PIMREG: variants seen among roughly 807,000 people sequenced by gnomAD.
PIMREG encodes protein PIMREG.
In PIMREG, 19 loss-of-function variants were observed where a neutral mutation model predicts 24.3. That is an observed-to-expected ratio of 0.78 (90% CI 0.54 to 1.15). The LOEUF is 1.15. PIMREG is among the 50% of genes most tolerant of loss of function. PIMREG has a pLI of 0.00. For missense variants in PIMREG, 283 were observed against 306.8 expected (o/e 0.92, Z 0.58); for synonymous variants, 112 against 124.1 (o/e 0.90, Z 0.65).
intron 3 of PIMREG, among the ~76,000 whole-genome samples, chr17:6,448,282 C>CAATAAAAAAA (rs1913664049): frequency 2.4e-5 from 1 of 41,292 alleles, no homozygotes; most frequent in African/African-American, 9.5e-5. Flanking sequence ...GACCCTGTCT[C>CAATAAAAAAA]AAAAAAAAAA....
At chr17:6,450,246 G>A in intron 5 of PIMREG, 116 bp from the exon 6 acceptor site, 1 of 1,189,640 alleles carries the variant, frequency 8.4e-7, no homozygotes, top group Non-Finnish European at 1.2e-6. Flanking sequence ...CAGCACGCTG[G>A]GGGCCCCAAG....
In PIMREG at chr17:6,447,632, C is replaced by G; in HGVS notation, c.464C>G (p.Pro155Arg). ...GAAPAHSAAD[P>R]WEKEHHRLSV... ...GCCCCTGCCCACTCAGCCGCAGACC[C>G]CTGGGAGAAGGAGCATCACCGCCTC... is the stretch of plus-strand genomic sequence containing the variant. Residue 155 changes from proline to arginine, a missense_variant, in exon 3 of 6, where the codon CCC becomes CGC. Pro to Arg is a moderately radical substitution (Grantham distance 103, BLOSUM62 -2). Transcript: ENST00000572447. The G allele has an allele frequency of 6.2e-7, 1 of 1,613,910 alleles. No individual in the cohort carries two copies. Among genetic ancestry groups the G allele is most frequent in the Non-Finnish European group, 8.5e-7 (1 of 1,179,918 alleles).
chr17:6,447,760 C>A lies in PIMREG; in HGVS notation c.590+2C>A, dbSNP rs751512933. 1 of 1,596,104 alleles carries A rather than the reference C, an allele frequency of 6.3e-7. No individual in the cohort carries two copies. The highest frequency in any genetic ancestry group is 8.6e-7 in the Non-Finnish European group (1 of 1,167,686). On this transcript the variant is annotated splice_donor_variant, in intron 3 of 5. Coordinates refer to ENST00000572447, the MANE Select transcript of PIMREG (RefSeq NM_019013.3). LOFTEE classifies it high-confidence loss of function. ...AACAGAGCCCCTCTGCTCTCCCAGG[C>A]AAGTGGGATAGTGCTTCACCCCGGG...
rs755410723 is a variant in PIMREG at position 6,449,413 on chromosome 17, T to A, written c.686+6T>A. Reference sequence around the variant, plus strand: ...GCCATTATGGCGGAAGAGAGGTGAGTTGGCATCCCATGCTTCAAAGTGAAG... The same window carrying A: ...GCCATTATGGCGGAAGAGAGGTGAGATGGCATCCCATGCTTCAAAGTGAAG... On this transcript the variant is annotated splice_donor_region_variant and intron_variant, in intron 4 of 5. Transcript: ENST00000572447. 5.0e-6 allele frequency: 8 copies of A among 1,610,726 alleles called. No homozygotes were observed. The South Asian group carries it at 8.8e-5, about 18-fold the overall frequency.
intron 5 of PIMREG, 68 bp from the exon 6 acceptor site, chr17:6,450,294 T>G: frequency 1.4e-6 from 2 of 1,382,182 alleles, no homozygotes; most frequent in Non-Finnish European, 9.9e-7. Context: ...CACCCCGCAG[T>G]GAGCAGGGAA....
chr17:6,447,821 G>C, intron 3 of PIMREG, 63 bp downstream of exon 3: 1 of 1,505,206 alleles, frequency 6.6e-7, no homozygotes, highest in Non-Finnish European at 8.9e-7. Context: ...AATCCCTGCT[G>C]TCTGACCTCC....
intron 5 of PIMREG, 24 bp from the exon 6 acceptor site, chr17:6,450,338 G>A: frequency 6.5e-7 from 1 of 1,544,490 alleles, no homozygotes; most frequent in East Asian, 2.4e-5. Context: ...TGAGCACAGT[G>A]AAAAAGGCAG....
intron 4 of PIMREG, 91 bp from the exon 5 acceptor site, chr17:6,449,937 T>G: frequency 6.7e-7 from 1 of 1,491,308 alleles, no homozygotes; most frequent in South Asian, 1.1e-5. Flanking sequence ...TCCTACCACA[T>G]TTCCGGGTCT....
Position 6,445,946 on chromosome 17 carries a change from C to T in PIMREG, c.294+542C>T, listed in dbSNP as rs574702865. 1.1e-4 allele frequency: 45 copies of T among 397,212 alleles called. No homozygotes were observed. The East Asian group carries it at 1.5e-3, about 14-fold the overall frequency. The allele number at this position is 397,212 out of a possible 1,614,324, so 24.6% of individuals were successfully genotyped here. ...AAAGGATATGAAGGAGCTTAGAACT[C>T]TCCCAGGAATGATCAGGAGTCCGGA... On this transcript the variant is annotated intron_variant, in intron 2 of 5. Transcript: ENST00000572447.
rs975712981 is a variant in PIMREG, at chr17:6,445,296, C to T, written c.186C>T (p.Asn62=). The T allele has an allele frequency of 1.2e-6, 2 of 1,613,988 alleles. No homozygotes were observed. The highest frequency in any genetic ancestry group is 2.7e-5 in the African/African-American group (2 of 74,920). The change falls in exon 2 of 6, where the codon AAC becomes AAT. Residue 62 remains asparagine, a synonymous_variant. Transcript: ENST00000572447. ...TGCCCCTGAGAGCCGTCAACCTCAACCTCCGCGCAGGGCCCTCCTGGAAAC... is the reference window on the plus strand; with the variant it reads ...TGCCCCTGAGAGCCGTCAACCTCAATCTCCGCGCAGGGCCCTCCTGGAAAC... ...RRLPLRAVNL[N]LRAGPSWKRL...
At position 6,447,778 on chromosome 17, in the gene PIMREG, A is replaced by C. The variant is rs1213102687; in HGVS notation, c.590+20A>C. ...TCCCAGGCAAGTGGGATAGTGCTTC[A>C]CCCCGGGGCTGGTGGCCTTTTAACC... On this transcript the variant is annotated intron_variant, in intron 3 of 5. Transcript: ENST00000572447. 1.3e-6 allele frequency: 2 copies of C among 1,569,702 alleles called. No homozygotes were observed. The highest frequency in any genetic ancestry group is 8.7e-7 in the Non-Finnish European group (1 of 1,153,168).
intron 1 of PIMREG, 72 bp from the exon 2 acceptor site, chr17:6,445,004 C>T: frequency 7.9e-7 from 1 of 1,267,422 alleles, no homozygotes; most frequent in Non-Finnish European, 1.1e-6. Flanking sequence ...CCCCTGTGTC[C>T]AGGGTCTCTG....
chr17:6,450,437 A>AC lies in PIMREG; in HGVS notation c.*95dup, dbSNP rs755307904. 1 of 1,557,968 alleles carries AC rather than the reference A, an allele frequency of 6.4e-7. No homozygotes were observed. ...CTTCCCCGTGAGCTTCCTGGAAAAA[A>AC]CCCCCGGGAGTCGTCAGTACCCCTG... On this transcript the variant is annotated 3_prime_UTR_variant, in exon 6 of 6. Transcript: ENST00000572447.
At chr17:6,447,204 C>T (rs535121606) in intron 2 of PIMREG, 6 of 394,746 alleles carry the variant, frequency 1.5e-5, no homozygotes, top group East Asian at 9.8e-5. Flanking sequence ...CTCCGCCTCC[C>T]GGGTTCAAGC....
chr17:6,447,493 A>G lies in PIMREG; in HGVS notation c.325A>G (p.Lys109Glu), dbSNP rs1423236100. ...CCAGGAGTCCTGCCAAAGTGGCACC[A>G]AGTGGCTGGTGGAGACCCAGGTGAA... ...RIQESCQSGT[K>E]WLVETQVKAR... is the part of the protein sequence containing the mutation. The change falls in exon 3 of 6, where the codon AAG becomes GAG. Residue 109 changes from lysine to glutamate, a missense_variant. Transcript: ENST00000572447. The G allele has an allele frequency of 6.2e-7, 1 of 1,613,904 alleles. No individual in the cohort carries two copies. Among genetic ancestry groups the G allele is most frequent in the African/African-American group, 1.3e-5 (1 of 74,944 alleles).
At chr17:6,447,801 A>T (rs16955866) in intron 3 of PIMREG, 43 bp downstream of exon 3, 60 of 1,540,052 alleles carry the variant, frequency 3.9e-5, no homozygotes, top group Non-Finnish European at 5.1e-5. Flanking sequence ...TGGCCTTTTA[A>T]CCTGGGCACA....
At chr17:6,447,827 C>T (rs1913645221) in intron 3 of PIMREG, 69 bp downstream of exon 3, 3 of 1,486,558 alleles carry the variant, frequency 2.0e-6, no homozygotes, top group Admixed American at 4.5e-5. Flanking sequence ...TGCTGTCTGA[C>T]CTCCCAGACA....
chr17:6,444,999 G>A lies in PIMREG; in HGVS notation c.-35-77G>A, dbSNP rs1402632903. The A allele has an allele frequency of 1.3e-5, 16 of 1,198,758 alleles. No homozygotes were observed. The highest frequency in any genetic ancestry group is 1.8e-5 in the Non-Finnish European group (16 of 893,560). The allele number at this position is 1,198,758 out of a possible 1,614,324, so 74.3% of individuals were successfully genotyped here. A position where few individuals can be genotyped will look rare whatever the true frequency, so the allele number is the denominator to read the frequency against. ...CCCGCTGCATCCCGTCTCTTCCCCTGTGTCCAGGGTCTCTGTGGGGCCTGG... is the reference window on the plus strand; with the variant it reads ...CCCGCTGCATCCCGTCTCTTCCCCTATGTCCAGGGTCTCTGTGGGGCCTGG... On this transcript the variant is annotated intron_variant, in intron 1 of 5. Coordinates refer to ENST00000572447, the MANE Select transcript of PIMREG (RefSeq NM_019013.3). This position sits in a 1 kb window ranked among gnomAD's most constrained non-coding sequence, Gnocchi z 4.3.
intron 1 of PIMREG, 38 bp from the exon 2 acceptor site, chr17:6,445,038 G>A: frequency 1.4e-6 from 2 of 1,439,008 alleles, no homozygotes; most frequent in Non-Finnish European, 1.8e-6. Context: ...TGGGTATGGG[G>A]AATGCCTTGC....
Sources: gnomAD v4.1 joint callset for allele counts (sites outside exome capture counted in the v4.1 genomes callset) on GRCh38, gnomAD v4.1.1 for gene constraint, Gnocchi (gnomAD v3.1) non-coding constraint, MANE v1.5 for transcripts, NCBI Gene and HGNC (gene_info 2026-07-23, HGNC 2026-07-21) for gene names.